MICAL3: variants seen among roughly 807,000 people sequenced by gnomAD.
MICAL3 encodes the protein [F-actin]-monooxygenase MICAL3.
Under a neutral mutation model 207.4 loss-of-function variants are expected in MICAL3, and 62 were observed. The ratio of observed to expected loss-of-function variants is 0.30; its 90% CI spans 0.24 to 0.37. The LOEUF (loss-of-function observed/expected upper bound fraction) is 0.37. MICAL3 is among the 10% of genes least tolerant of loss of function. The pLI, the probability that MICAL3 is intolerant of heterozygous loss-of-function variation, is 1.00. For synonymous variants in MICAL3, 1,077 were observed against 1,069.3 expected (o/e 1.01, Z -0.14); for missense variants, 2,368 against 2,635.6 (o/e 0.90, Z 2.22).
At chr22:17,862,173 T>C (rs1330291219) in intron 19 of MICAL3, 2 of 985,030 alleles carry the variant, frequency 2.0e-6, no homozygotes, top group African/African-American at 3.5e-5. Flanking sequence ...GAGTGCACAG[T>C]AGAGGCGGTT....
Position 17,864,687 on chromosome 22 carries a change from T to A in MICAL3, c.2605+212A>T, listed in dbSNP as rs761472408. On this transcript the variant is annotated intron_variant, in intron 19 of 31. Transcript: ENST00000441493. ...CCACAGCCTGCCAGTGGAACTCCCC[T>A]CTGATTTGCACCAGCACCTCCGACA... The A allele has an allele frequency of 1.9e-6, 3 of 1,610,678 alleles. No homozygotes were observed. In the South Asian group the frequency reaches 3.3e-5, roughly 18 times the overall value.
rs201008934 is a variant in MICAL3 at position 17,893,881 on chromosome 22, G to A, written c.1473C>T (p.Gly491=). ...PSQVRHLYDT[G]ETKDIHLEME... ...TTTCCAGGTGAATATCTTTTGTTTC[G>A]CCAGTATCATATAAATGGCGCACCT... The change falls in exon 11 of 32, where the codon GGC becomes GGT. Residue 491 remains glycine (G), a synonymous_variant. Coordinates refer to ENST00000441493, the MANE Select transcript of MICAL3 (RefSeq NM_015241.3). The A allele has an allele frequency of 7.5e-5, 117 of 1,562,510 alleles. No homozygotes were observed. The highest frequency in any genetic ancestry group is 1.3e-4 in the Admixed American group (7 of 52,684).
At position 17,854,651 on chromosome 22, in the gene MICAL3, A is replaced by C. The variant is rs1010338539; in HGVS notation, c.2605+10248T>G. 6.6e-5 allele frequency among the ~76,000 whole-genome samples: 10 copies of C among 152,266 alleles called. No individual in the cohort carries two copies. The South Asian group carries it at 2.1e-3, about 32-fold the overall frequency. On this transcript the variant is annotated intron_variant, in intron 19 of 31. Transcript: ENST00000441493. ...CCAAGTAGCTGCATGAGCCGCCTGA[A>C]CTTTCCCTTGTCTCATGACGCGACT... is the stretch of plus-strand genomic sequence containing the variant.
chr22:17,941,667 G>A (rs1312015346), intron 1 of MICAL3, among the ~76,000 whole-genome samples: 1 of 152,234 alleles, frequency 6.6e-6, no homozygotes, highest in Non-Finnish European at 1.5e-5. Flanking sequence ...GAACTGAGAA[G>A]CGAAGAAGAA....
intron 1 of MICAL3, among the ~76,000 whole-genome samples, chr22:17,982,448 G>A (rs977790682): frequency 7.9e-5 from 12 of 152,212 alleles, no homozygotes. Flanking sequence ...AGAGGTGGGT[G>A]GATCACGAGG....
intron 16 of MICAL3, among the ~76,000 whole-genome samples, chr22:17,874,726 A>C (rs1928095334): frequency 6.6e-6 from 1 of 152,260 alleles, no homozygotes; most frequent in Non-Finnish European, 1.5e-5. Flanking sequence ...ATACGTGTGC[A>C]TATGCTACCA....
intron 1 of MICAL3, among the ~76,000 whole-genome samples, chr22:17,962,231 A>G (rs1299665976): frequency 6.6e-6 from 1 of 150,980 alleles, no homozygotes; most frequent in East Asian, 1.9e-4. Context: ...AACTAACGTA[A>G]GTGCGAAAGC....
intron 22 of MICAL3, among the ~76,000 whole-genome samples, chr22:17,825,432 C>T (rs901200007): frequency 2.6e-5 from 4 of 152,092 alleles, no homozygotes; most frequent in Admixed American, 1.3e-4. Context: ...GCCACTGACC[C>T]GCTCAGCTCT....
intron 16 of MICAL3, among the ~76,000 whole-genome samples, chr22:17,877,448 T>G (rs1928874412): frequency 8.4e-6 from 1 of 119,672 alleles, no homozygotes; most frequent in Non-Finnish European, 1.7e-5. Flanking sequence ...TGAGGGAGGT[T>G]ATGGAGGTTA....
chr22:17,998,559 TATTA>T (rs199629543), intron 1 of MICAL3, among the ~76,000 whole-genome samples: 30 of 138,842 alleles, frequency 2.2e-4, no homozygotes, highest in South Asian at 6.9e-4. Flanking sequence ...TTATTATTAT[TATTA>T]TTTTTTTTTT....
chr22:17,909,520 G>A (rs1275811487), intron 1 of MICAL3, among the ~76,000 whole-genome samples: 1 of 152,138 alleles, frequency 6.6e-6, no homozygotes, highest in East Asian at 1.9e-4. Flanking sequence ...GTGAGACCCT[G>A]TCTCAAAACA....
intron 16 of MICAL3, chr22:17,875,474 G>A (rs1217289486): frequency 1.3e-6 from 2 of 1,553,692 alleles, no homozygotes; most frequent in Non-Finnish European, 1.7e-6. Context: ...AGGAGGGAGA[G>A]GCGGGGCGGG....
chr22:17,866,779 T>TG (rs1312505944), intron 17 of MICAL3, among the ~76,000 whole-genome samples: 24 of 152,180 alleles, frequency 1.6e-4, no homozygotes, highest in Non-Finnish European at 3.1e-4. Flanking sequence ...TGCATCCCCG[T>TG]GGGGGGTGTC....
At chr22:17,939,426 G>T (rs1352921424) in intron 1 of MICAL3, among the ~76,000 whole-genome samples, 1 of 152,162 alleles carries the variant, frequency 6.6e-6, no homozygotes, top group Non-Finnish European at 1.5e-5. Context: ...AAAGAAGAAG[G>T]GCTGCACCTC....
At chr22:17,829,244 G>C (rs1242181597) in intron 21 of MICAL3, among the ~76,000 whole-genome samples, 1 of 147,040 alleles carries the variant, frequency 6.8e-6, no homozygotes, top group Admixed American at 6.9e-5. Flanking sequence ...TCAGCTCACC[G>C]CAACCTCCGC....
intron 21 of MICAL3, among the ~76,000 whole-genome samples, chr22:17,829,344 T>G (rs1283384718): frequency 6.6e-6 from 1 of 152,116 alleles, no homozygotes; most frequent in Non-Finnish European, 1.5e-5. Context: ...TTTTTTATAT[T>G]TTTTAGTAGA....
chr22:17,964,985 C>T (rs1196608085), intron 1 of MICAL3, among the ~76,000 whole-genome samples: 3 of 152,130 alleles, frequency 2.0e-5, no homozygotes, highest in Non-Finnish European at 4.4e-5. Context: ...GAAACGCCAT[C>T]GCTGAAAGGG....
chr22:18,021,671 C>T lies in MICAL3; in HGVS notation c.-75+2610G>A, dbSNP rs189779020. On this transcript the variant is annotated intron_variant, in intron 1 of 31. Transcript: ENST00000441493. The stretch of plus-strand genomic sequence containing the variant: ...AGAGGGAGGGAGTGTGTAGTCAGTG[C>T]GTGGGAATGCAGAAAGGAGCATGCA... Among the ~76,000 whole-genome samples, 141 of 152,168 alleles carry T rather than the reference C, an allele frequency of 9.3e-4. 1 individual carries two copies. The highest frequency in any genetic ancestry group is 3.2e-3 in the African/African-American group (133 of 41,500).
chr22:17,969,663 C>T (rs993717987), intron 1 of MICAL3, among the ~76,000 whole-genome samples: 1 of 152,168 alleles, frequency 6.6e-6, no homozygotes, highest in Non-Finnish European at 1.5e-5. Context: ...CTGTGGAATT[C>T]TAGAAACTTA....
Sources: gnomAD v4.1 joint callset for allele counts (sites outside exome capture counted in the v4.1 genomes callset) on GRCh38, gnomAD v4.1.1 for gene constraint, MANE v1.5 for transcripts, NCBI Gene and HGNC (gene_info 2026-07-23, HGNC 2026-07-21) for gene names.